Variants in CSMD3 observed in about 807,000 individuals in gnomAD.
CSMD3 encodes CUB and sushi domain-containing protein 3.
CSMD3 carries 177 observed loss-of-function variants against 435.2 expected under a neutral mutation model. That is an observed-to-expected ratio of 0.41 (90% CI 0.36 to 0.46). CSMD3 has a LOEUF of 0.46. CSMD3 is among the 20% of genes least tolerant of loss of function. CSMD3 has a pLI of 0.34. For missense variants in CSMD3, 4,265 were observed against 4,504.6 expected (o/e 0.95, Z 1.52); for synonymous variants, 1,656 against 1,520.5 (o/e 1.09, Z -2.07).
At chr8:112,248,902 C>T (rs1815012390) in intron 63 of CSMD3, among the ~76,000 whole-genome samples, 1 of 152,062 alleles carries the variant, frequency 6.6e-6, no homozygotes, top group Non-Finnish European at 1.5e-5. Context: ...TTTCTCTAGG[C>T]TGTTACATGG....
At chr8:113,001,388 G>T (rs1226293366) in intron 6 of CSMD3, among the ~76,000 whole-genome samples, 3 of 151,984 alleles carry the variant, frequency 2.0e-5, no homozygotes, top group Admixed American at 6.6e-5. Context: ...AACTTGTTAA[G>T]CTTTTTCCTC....
At chr8:112,995,777 A>C (rs1369432190) in intron 6 of CSMD3, among the ~76,000 whole-genome samples, 1 of 151,544 alleles carries the variant, frequency 6.6e-6, no homozygotes, top group African/African-American at 2.4e-5. Context: ...TGCAAAATGC[A>C]ATATAATTGT....
chr8:113,160,302 TTTAAAA>T (rs1282258917), intron 4 of CSMD3, among the ~76,000 whole-genome samples: 1 of 151,914 alleles, frequency 6.6e-6, no homozygotes, highest in African/African-American at 2.4e-5. Context: ...TCAGCAGTTC[TTTAAAA>T]TTATAATCAA....
At chr8:112,948,260 T>C (rs1028744212) in intron 8 of CSMD3, among the ~76,000 whole-genome samples, 2 of 152,002 alleles carry the variant, frequency 1.3e-5, no homozygotes, top group Non-Finnish European at 2.9e-5. Flanking sequence ...GATAGTTTTA[T>C]TTGGATCCTT....
At chr8:112,531,768 T>C (rs1825562306) in intron 27 of CSMD3, among the ~76,000 whole-genome samples, 1 of 152,100 alleles carries the variant, frequency 6.6e-6, no homozygotes, top group African/African-American at 2.4e-5. Flanking sequence ...CAAGGCCAGA[T>C]TGTGAAAACT....
Position 112,406,636 on chromosome 8 carries a change from C to T in CSMD3, c.5697G>A (p.Ser1899=), listed in dbSNP as rs779309952. The T allele has an allele frequency of 2.9e-5, 47 of 1,612,420 alleles. No homozygotes were observed. The highest frequency in any genetic ancestry group is 3.3e-4 in the Middle Eastern group (2 of 6,076). Residue 1899 remains serine (S), a synonymous_variant, in exon 35 of 71, where the codon TCG becomes TCA. Transcript: ENST00000297405. ...ATCCTGGATTACAATCAAAAAGAAC[C>T]GATGAACCGACTGCAAATTCATTGC... ...RIGNEFAVGS[S]VLFDCNPGYI...
At chr8:112,889,546 T>C (rs2081718346) in intron 10 of CSMD3, among the ~76,000 whole-genome samples, 1 of 151,614 alleles carries the variant, frequency 6.6e-6, no homozygotes, top group African/African-American at 2.4e-5. Context: ...CCTATGGAAA[T>C]GTGTGTCTTT....
rs1313965640 is a variant in CSMD3 at position 113,176,754 on chromosome 8, G to A, written c.515-2838C>T. Among the ~76,000 whole-genome samples the A allele has an allele frequency of 5.3e-5, 8 of 151,930 alleles. No homozygotes were observed. In the South Asian group the frequency reaches 6.2e-4, roughly 12 times the overall value. On this transcript the variant is annotated intron_variant, in intron 3 of 70. Coordinates refer to ENST00000297405, the MANE Select transcript of CSMD3 (RefSeq NM_198123.2). ...AGGGGAACAACAACACTGGGAGGGC[G>A]GGGGTGGATAGAGTATTAGGGAAAA... is the stretch of plus-strand genomic sequence containing the variant.
chr8:112,593,574 C>T (rs1253682193), intron 22 of CSMD3, among the ~76,000 whole-genome samples: 2 of 152,066 alleles, frequency 1.3e-5, no homozygotes, highest in Non-Finnish European at 2.9e-5. Context: ...TGAGATTGAT[C>T]TTTTAAAGCC....
chr8:112,693,987 T>A (rs150495132), intron 13 of CSMD3, among the ~76,000 whole-genome samples: 2 of 151,858 alleles, frequency 1.3e-5, no homozygotes, highest in Non-Finnish European at 2.9e-5. Context: ...CCTTAAATAC[T>A]GAAAAATTAT....
intron 32 of CSMD3, among the ~76,000 whole-genome samples, chr8:112,440,226 C>T (rs1814844517): frequency 6.6e-6 from 1 of 152,238 alleles, no homozygotes; most frequent in Admixed American, 6.5e-5. Flanking sequence ...ACTACAGGCC[C>T]CATGCAAGTT....
chr8:113,142,632 T>C (rs1371801929), intron 4 of CSMD3, among the ~76,000 whole-genome samples: 1 of 151,074 alleles, frequency 6.6e-6, no homozygotes, highest in Non-Finnish European at 1.5e-5. Context: ...GTAGAGATGG[T>C]TAATGGGTAG....
At chr8:113,157,033 T>TTGACTA (rs1339658144) in intron 4 of CSMD3, among the ~76,000 whole-genome samples, 2 of 67,222 alleles carry the variant, frequency 3.0e-5, no homozygotes, top group South Asian at 1.0e-3. Flanking sequence ...AACCCATTAG[T>TTGACTA]TTACTAACAA....
chr8:112,336,742 A>G lies in CSMD3; in HGVS notation c.6929T>C (p.Phe2310Ser). The G allele has an allele frequency of 6.2e-7, 1 of 1,613,328 alleles. No homozygotes were observed. Among genetic ancestry groups the G allele is most frequent in the Non-Finnish European group, 8.5e-7 (1 of 1,179,366 alleles). ...PDEYPNFQDC[F>S]WLVRVPPGNG... is the part of the protein sequence containing the mutation. ...CCCAGGGGGTACTCTTACAAGCCAA[A>G]AACAATCTTGAAAGTTTGGATATTC... is the stretch of plus-strand genomic sequence containing the variant. Residue 2310 changes from phenylalanine (F) to serine (S), a missense_variant, in exon 44 of 71, where the codon TTT becomes TCT. Physicochemically the swap from Phe to Ser is radical, Grantham distance 155 (BLOSUM62 -2). Transcript: ENST00000297405.
intron 13 of CSMD3, among the ~76,000 whole-genome samples, chr8:112,699,134 T>G (rs1454373907): frequency 1.3e-5 from 2 of 152,128 alleles, no homozygotes; most frequent in African/African-American, 4.8e-5. Flanking sequence ...TCCCCTTCCA[T>G]GCTGTGGAAG....
chr8:112,246,820 C>T lies in CSMD3; in HGVS notation c.10222+200G>A, dbSNP rs558186071. On this transcript the variant is annotated intron_variant, in intron 64 of 70. Transcript: ENST00000297405. ...AAAAAGAACAAAATTGTGCCTTGTG[C>T]TTTCTGACTTACTTAGAGAGTGCTT... 1.8e-3 allele frequency among the ~76,000 whole-genome samples: 272 copies of T among 152,222 alleles called. 1 individual carries two copies. The highest frequency in any genetic ancestry group is 6.3e-3 in the African/African-American group (262 of 41,540).
chr8:113,340,289 A>G (rs951233362), intron 1 of CSMD3, among the ~76,000 whole-genome samples: 3 of 152,128 alleles, frequency 2.0e-5, no homozygotes, highest in Non-Finnish European at 4.4e-5. Context: ...AAATGAGGAC[A>G]TTAGACCATT....
At chr8:112,625,607 A>G (rs1205411242) in intron 22 of CSMD3, among the ~76,000 whole-genome samples, 1 of 152,154 alleles carries the variant, frequency 6.6e-6, no homozygotes, top group African/African-American at 2.4e-5. Context: ...CTGTTTGTCG[A>G]CTGATTAAAA....
intron 41 of CSMD3, among the ~76,000 whole-genome samples, chr8:112,345,405 C>A (rs1048736236): frequency 6.6e-6 from 1 of 151,862 alleles, no homozygotes; most frequent in South Asian, 2.1e-4. Context: ...CACTATTCAG[C>A]CATAAAAAAA....
Sources: allele counts gnomAD v4.1 joint callset (sites outside exome capture counted in the v4.1 genomes callset), GRCh38; gene constraint gnomAD v4.1.1; transcripts MANE v1.5; gene names NCBI Gene and HGNC (gene_info 2026-07-23, HGNC 2026-07-21).